The following ADCY3 variants were observed in gnomAD, a reference collection of about 807,000 sequenced individuals.
ADCY3 encodes adenylate cyclase type 3.
ADCY3 carries 70 observed loss-of-function variants against 119.4 expected under a neutral mutation model. The ratio of observed to expected loss-of-function variants is 0.59; its 90% confidence interval spans 0.48 to 0.72. The LOEUF (loss-of-function observed/expected upper bound fraction) is 0.72. Among genes scored for constraint, ADCY3 ranks in the 30% least tolerant of loss-of-function variants. ADCY3 has a pLI of 0.00. For missense variants in ADCY3, 1,238 were observed against 1,541.6 expected (o/e 0.80, Z 3.30); for synonymous variants, 672 against 621.4 (o/e 1.08, Z -1.21).
intron 2 of ADCY3, among the ~76,000 whole-genome samples, chr2:24,875,354 C>T (rs1002978609): frequency 3.9e-5 from 6 of 152,234 alleles, no homozygotes; most frequent in African/African-American, 1.4e-4. Flanking sequence ...CAACCTCCCC[C>T]ACCCCACCCC....
At chr2:24,826,242 G>A (rs1000419648) in intron 15 of ADCY3, 116 bp from the exon 16 acceptor site, 32 of 864,130 alleles carry the variant, frequency 3.7e-5, no homozygotes, top group African/African-American at 8.5e-5. Context: ...AGCTCACCCC[G>A]GCTCCTTAGG....
intron 2 of ADCY3, among the ~76,000 whole-genome samples, chr2:24,880,787 G>T (rs1222379980): frequency 6.6e-6 from 1 of 152,146 alleles, no homozygotes; most frequent in Non-Finnish European, 1.5e-5. Context: ...AGGCCAAGGC[G>T]GGTGGATCAC....
intron 3 of ADCY3, among the ~76,000 whole-genome samples, chr2:24,870,161 A>T (rs1479731533): frequency 1.3e-5 from 2 of 151,066 alleles, no homozygotes; most frequent in African/African-American, 4.9e-5. Flanking sequence ...AAAATATAAA[A>T]AAAAAAAAAA....
rs10174476 is a variant in ADCY3, at chr2:24,821,997, G to A, written c.3004-357C>T. ...GATAAGCACTGGAGGGGGATGACCC[G>A]CCTTGGACGTGTTTCTTTAACCTCA... On this transcript the variant is annotated intron_variant, in intron 19 of 21. Coordinates refer to ENST00000679454, the MANE Select transcript of ADCY3 (RefSeq NM_004036.5). 1,830 of 242,862 alleles carry A rather than the reference G, an allele frequency of 7.5e-3. 37 individuals are homozygous for A. Among genetic ancestry groups the A allele is most frequent in the African/African-American group, 0.037 (1,652 of 44,516 alleles). The allele number at this position is 242,862 out of a possible 1,614,324, so 15.0% of individuals were successfully genotyped here.
intron 2 of ADCY3, among the ~76,000 whole-genome samples, chr2:24,895,131 G>A (rs563425521): frequency 2.6e-5 from 4 of 151,356 alleles, no homozygotes; most frequent in Admixed American, 6.6e-5. Context: ...TTGCTCTGTC[G>A]CCAGGCTGGA....
At chr2:24,839,041 C>G (rs554367903) in intron 7 of ADCY3, 4 of 448,766 alleles carry the variant, frequency 8.9e-6, no homozygotes, top group Non-Finnish European at 1.2e-5. Flanking sequence ...CTCCCGGGTT[C>G]AAGCAATTCT....
chr2:24,885,514 G>GCT (rs1399019221), intron 2 of ADCY3, among the ~76,000 whole-genome samples: 2 of 152,170 alleles, frequency 1.3e-5, no homozygotes, highest in Admixed American at 6.5e-5. Flanking sequence ...GCGCCAGCCT[G>GCT]CTCTCTCTCA....
chr2:24,853,010 GT>G (rs1668709279), intron 3 of ADCY3, among the ~76,000 whole-genome samples: 1 of 4,216 alleles, frequency 2.4e-4, no homozygotes, highest in Non-Finnish European at 5.2e-4. Flanking sequence ...TGGAGGGTGT[GT>G]GTGTGTGTGT....
Position 24,842,907 on chromosome 2 carries a change from C to A in ADCY3, c.826-523G>T, listed in dbSNP as rs137902850. ...GAGGGTCTCACGGGGACACAGGTAACCATGCCCAGCACAGCGCAGCATGGC... is the reference window on the plus strand; with the variant it reads ...GAGGGTCTCACGGGGACACAGGTAAACATGCCCAGCACAGCGCAGCATGGC... On this transcript the variant is annotated intron_variant, in intron 3 of 21. Transcript: ENST00000679454. The surrounding 1 kb of genome is among the most constrained non-coding windows in gnomAD (Gnocchi z 4.9). Among the ~76,000 whole-genome samples, 255 of 152,318 alleles carry A rather than the reference C, an allele frequency of 1.7e-3. No individual in the cohort carries two copies. Among genetic ancestry groups the A allele is most frequent in the African/African-American group, 5.8e-3 (243 of 41,572 alleles).
intron 2 of ADCY3, among the ~76,000 whole-genome samples, chr2:24,873,612 C>A (rs1049170574): frequency 2.0e-5 from 3 of 152,246 alleles, no homozygotes; most frequent in Non-Finnish European, 4.4e-5. Context: ...CCCTGCCTGG[C>A]GGCCAGGCCT....
intron 2 of ADCY3, among the ~76,000 whole-genome samples, chr2:24,910,558 T>C (rs922768660): frequency 6.6e-5 from 10 of 152,234 alleles, no homozygotes; most frequent in African/African-American, 2.4e-4. Flanking sequence ...AATATAATCC[T>C]TATTTGTTCA....
At chr2:24,833,186 C>A (rs1190275450) in intron 11 of ADCY3, among the ~76,000 whole-genome samples, 2 of 152,214 alleles carry the variant, frequency 1.3e-5, no homozygotes, top group Non-Finnish European at 2.9e-5. Flanking sequence ...ACAGGGGACT[C>A]CTCTGCTCCC....
At chr2:24,881,037 T>G (rs905124265) in intron 2 of ADCY3, among the ~76,000 whole-genome samples, 4 of 151,284 alleles carry the variant, frequency 2.6e-5, no homozygotes, top group Admixed American at 6.6e-5. Flanking sequence ...AAAGTCTCCT[T>G]CCTTCCTGCT....
intron 2 of ADCY3, among the ~76,000 whole-genome samples, chr2:24,880,913 G>A (rs1236892945): frequency 6.6e-6 from 1 of 152,096 alleles, no homozygotes; most frequent in Non-Finnish European, 1.5e-5. Flanking sequence ...TATTCGGGAG[G>A]CTGAGGCAGG....
At chr2:24,907,585 AG>A (rs2149031651) in intron 2 of ADCY3, among the ~76,000 whole-genome samples, 1 of 152,326 alleles carries the variant, frequency 6.6e-6, no homozygotes, top group South Asian at 2.1e-4. Context: ...GCTCAGAAGA[AG>A]GAAGAGTCAT....
At chr2:24,821,865 ACGGACCTGTGAGTCTGACCACGAGG>A in intron 19 of ADCY3, 2 of 550,454 alleles carry the variant, frequency 3.6e-6, no homozygotes, top group South Asian at 2.5e-5. Flanking sequence ...AGCAGAGGAG[ACGGACCTGTGAGTCTGACCACGAGG>A]CGGACCCCTT....
intron 8 of ADCY3, among the ~76,000 whole-genome samples, chr2:24,837,601 A>C (rs1470605246): frequency 1.3e-5 from 2 of 152,254 alleles, no homozygotes; most frequent in African/African-American, 4.8e-5. Flanking sequence ...ACAGTCACCA[A>C]GCTCCTTAAT....
At chr2:24,912,943 A>G (rs1354741767) in intron 2 of ADCY3, among the ~76,000 whole-genome samples, 1 of 152,210 alleles carries the variant, frequency 6.6e-6, no homozygotes, top group African/African-American at 2.4e-5. Context: ...TCAATGACTG[A>G]TTATTCCTCC....
chr2:24,912,888 G>A (rs1663961793), intron 2 of ADCY3, among the ~76,000 whole-genome samples: 1 of 152,212 alleles, frequency 6.6e-6, no homozygotes, highest in Non-Finnish European at 1.5e-5. Flanking sequence ...AGCTGCGACA[G>A]GGAAAGGATG....
Sources: allele counts gnomAD v4.1 joint callset (sites outside exome capture counted in the v4.1 genomes callset), GRCh38; gene constraint gnomAD v4.1.1; non-coding constraint Gnocchi (gnomAD v3.1); transcripts MANE v1.5; gene names NCBI Gene and HGNC (gene_info 2026-07-23, HGNC 2026-07-21).